Variants in TMCO4 observed in about 807,000 individuals in gnomAD.
TMCO4 encodes transmembrane and coiled-coil domain-containing protein 4.
A neutral mutation model predicts 64.7 loss-of-function variants in TMCO4; 58 were observed. That is an observed-to-expected ratio of 0.90 (90% CI 0.73 to 1.12). TMCO4 has a LOEUF of 1.12. TMCO4 is among the 50% of genes most tolerant of loss of function. The pLI, the probability that TMCO4 is intolerant of heterozygous loss-of-function variation, is 0.00. For missense variants in TMCO4, 780 were observed against 825.9 expected, an observed-to-expected ratio of 0.94 and a Z score of 0.68; for synonymous variants, 325 against 346.1, an observed-to-expected ratio of 0.94 and a Z score of 0.68.
rs1012566431 is a variant in TMCO4, at chr1:19,708,422, A to G, written c.1265-7537T>C. Among the ~76,000 whole-genome samples the G allele has an allele frequency of 3.3e-5, 5 of 151,910 alleles. 1 individual carries two copies. ...ATAAATAAAAAAAAAAAAACCCAAG[A>G]GCTGAGAATGGACAGCGTCATCACA... is the stretch of plus-strand genomic sequence containing the variant. On this transcript the variant is annotated intron_variant, in intron 13 of 15. Coordinates refer to ENST00000294543, the MANE Select transcript of TMCO4 (RefSeq NM_181719.7).
In TMCO4 at chr1:19,721,819, C is replaced by A. The variant is rs369778012; in HGVS notation, c.1264+15553G>T. 8.0e-5 allele frequency among the ~76,000 whole-genome samples: 12 copies of A among 149,326 alleles called. No individual in the cohort carries two copies. In the South Asian group the frequency reaches 8.3e-4, roughly 10 times the overall value. On this transcript the variant is annotated intron_variant, in intron 13 of 15. Transcript: ENST00000294543. ...AAACAAAACAAAACAAAACAAAACA[C>A]AACACACACACACACACGTTTTGGA...
chr1:19,793,247 T>C (rs1328840800), intron 2 of TMCO4, among the ~76,000 whole-genome samples: 1 of 151,974 alleles, frequency 6.6e-6, no homozygotes, highest in Non-Finnish European at 1.5e-5. Context: ...TGCAGTGCAA[T>C]AAAATAAGCA....
In TMCO4 at chr1:19,781,678, G is replaced by A. The variant is rs530144145; in HGVS notation, c.-8-912C>T. On this transcript the variant is annotated intron_variant, in intron 3 of 15. Coordinates refer to ENST00000294543, the MANE Select transcript of TMCO4 (RefSeq NM_181719.7). ...TTTTTTTCTTTTGAGATGGAGTCTC[G>A]CTCTGTCGCCCAGGCTGGAGTGCAG... Among the ~76,000 whole-genome samples the A allele has an allele frequency of 7.7e-3, 1,086 of 141,678 alleles. 7 individuals carry two copies. The highest frequency in any genetic ancestry group is 0.027 in the African/African-American group (1,010 of 37,982). 92.9% of individuals were successfully genotyped at this position (141,678 alleles called of 152,430 possible). A position where few individuals can be genotyped will look rare whatever the true frequency, so the allele number is the denominator to read the frequency against.
chr1:19,730,409 C>G (rs1415885688), intron 13 of TMCO4, among the ~76,000 whole-genome samples: 1 of 152,226 alleles, frequency 6.6e-6, no homozygotes, highest in Non-Finnish European at 1.5e-5. Flanking sequence ...TGCGGCATAA[C>G]CTAGGCTGTC....
chr1:19,723,729 C>T (rs1020569557), intron 13 of TMCO4, among the ~76,000 whole-genome samples: 14 of 152,142 alleles, frequency 9.2e-5, no homozygotes, highest in Non-Finnish European at 2.1e-4. Flanking sequence ...AATGTGATTT[C>T]TGGAGGCTCT....
chr1:19,706,085 G>A (rs1446755078), intron 13 of TMCO4, among the ~76,000 whole-genome samples: 1 of 152,016 alleles, frequency 6.6e-6, no homozygotes, highest in Non-Finnish European at 1.5e-5. Context: ...TTAAATTTTA[G>A]TAGAGATGAG....
At position 19,772,079 on chromosome 1, in the gene TMCO4, G is replaced by C. The variant is rs2043010298; in HGVS notation, c.180-597C>G. On this transcript the variant is annotated intron_variant, in intron 4 of 15. Transcript: ENST00000294543. ...ATGCCTTGGGCCTGGGCTGTGCCAGGGGCGACGAATAAAGGTGAAAAACCT... is the reference window on the plus strand; with the variant it reads ...ATGCCTTGGGCCTGGGCTGTGCCAGCGGCGACGAATAAAGGTGAAAAACCT... 2.0e-5 allele frequency among the ~76,000 whole-genome samples: 3 copies of C among 152,186 alleles called. No individual in the cohort carries two copies. The South Asian group carries it at 6.2e-4, about 31-fold the overall frequency.
At chr1:19,751,965 G>C (rs1264054007) in intron 7 of TMCO4, among the ~76,000 whole-genome samples, 2 of 151,508 alleles carry the variant, frequency 1.3e-5, no homozygotes, top group Non-Finnish European at 2.9e-5. Flanking sequence ...GGAGAATGGC[G>C]TGAACCCAGG....
chr1:19,782,498 A>G (rs1351886604), intron 3 of TMCO4, among the ~76,000 whole-genome samples: 1 of 152,150 alleles, frequency 6.6e-6, no homozygotes, highest in East Asian at 1.9e-4. Context: ...AAATTCCCTG[A>G]ACTGTATAGT....
Position 19,734,967 on chromosome 1 carries a change from C to T in TMCO4, c.1264+2405G>A, listed in dbSNP as rs1335217345. On this transcript the variant is annotated intron_variant, in intron 13 of 15. Coordinates refer to ENST00000294543, the MANE Select transcript of TMCO4 (RefSeq NM_181719.7). This position sits in a 1 kb window ranked among gnomAD's most constrained non-coding sequence, Gnocchi z 4.4. ...CGGTGGATCTGCACTAGCTCGTGGG[C>T]ACAGCAGCATGTGCCTGATTCCCTC... 6.6e-6 allele frequency among the ~76,000 whole-genome samples: 1 copy of T among 152,144 alleles called. No individual in the cohort carries two copies. Among genetic ancestry groups the T allele is most frequent in the Non-Finnish European group, 1.5e-5 (1 of 68,020 alleles).
At position 19,682,981 on chromosome 1, in the gene TMCO4, G is replaced by A; in HGVS notation, c.*59C>T. The A allele has an allele frequency of 1.3e-6, 2 of 1,517,970 alleles. No homozygotes were observed. Among genetic ancestry groups the A allele is most frequent in the African/African-American group, 2.8e-5 (2 of 71,812 alleles). The allele number at this position is 1,517,970 out of a possible 1,614,324, so 94.0% of individuals were successfully genotyped here. A position where few individuals can be genotyped will look rare whatever the true frequency, so the allele number is the denominator to read the frequency against. On this transcript the variant is annotated 3_prime_UTR_variant, in exon 16 of 16. Coordinates refer to ENST00000294543, the MANE Select transcript of TMCO4 (RefSeq NM_181719.7). ...CCAGAGCTCCTGGGAGGAACCCGAGGGTATAAGAGAGAGCTGCATATGGAG... is the reference window on the plus strand; with the variant it reads ...CCAGAGCTCCTGGGAGGAACCCGAGAGTATAAGAGAGAGCTGCATATGGAG...
intron 4 of TMCO4, among the ~76,000 whole-genome samples, chr1:19,774,235 G>T: frequency 6.6e-6 from 1 of 152,206 alleles, no homozygotes; most frequent in African/African-American, 2.4e-5. Flanking sequence ...CAGGGCCAAG[G>T]ACTACAGCAT....
Position 19,732,182 on chromosome 1 carries a change from AC to A in TMCO4, c.1264+5189del, listed in dbSNP as rs2095432866. Among the ~76,000 whole-genome samples the A allele has an allele frequency of 6.6e-6, 1 of 151,444 alleles. No homozygotes were observed. Among genetic ancestry groups the A allele is most frequent in the Non-Finnish European group, 1.5e-5 (1 of 67,872 alleles). ...TAAGCTATGGCTAACTAAGGGACAGACCCCTCTCAGTGTGGCTTTTGCTCTG... is the reference window on the plus strand; with the variant it reads ...TAAGCTATGGCTAACTAAGGGACAGACCCTCTCAGTGTGGCTTTTGCTCTG... On this transcript the variant is annotated intron_variant, in intron 13 of 15. Transcript: ENST00000294543. This position sits in a 1 kb window ranked among gnomAD's most constrained non-coding sequence, Gnocchi z 4.8.
intron 13 of TMCO4, among the ~76,000 whole-genome samples, chr1:19,703,497 C>T: frequency 6.6e-6 from 1 of 150,984 alleles, no homozygotes. Context: ...CTCCTTCTCT[C>T]CTTTCTTTCC....
chr1:19,731,142 A>C (rs2095428226), intron 13 of TMCO4, among the ~76,000 whole-genome samples: 1 of 152,098 alleles, frequency 6.6e-6, no homozygotes, highest in African/African-American at 2.4e-5. Flanking sequence ...AAGGGCAAGG[A>C]CTTGGGAGGG....
chr1:19,790,080 T>TC (rs895682759), intron 2 of TMCO4, among the ~76,000 whole-genome samples: 7 of 149,110 alleles, frequency 4.7e-5, no homozygotes, highest in African/African-American at 1.7e-4. Context: ...AAAAAGAGAT[T>TC]CCCTATTTAG....
chr1:19,749,752 G>A (rs2041946789), intron 7 of TMCO4, among the ~76,000 whole-genome samples: 1 of 152,172 alleles, frequency 6.6e-6, no homozygotes, highest in Non-Finnish European at 1.5e-5. Context: ...TCTAGATAGG[G>A]TCACTCTGTC....
intron 7 of TMCO4, among the ~76,000 whole-genome samples, chr1:19,751,620 C>T (rs77797663): frequency 6.6e-6 from 1 of 151,742 alleles, no homozygotes; most frequent in African/African-American, 2.4e-5. Flanking sequence ...ATCTCCCTCA[C>T]AAAAAGTTTG....
intron 7 of TMCO4, 46 bp from the exon 8 acceptor site, chr1:19,747,306 C>A: frequency 6.5e-7 from 1 of 1,536,396 alleles, no homozygotes; most frequent in South Asian, 1.1e-5. Flanking sequence ...TGCCCAGGAT[C>A]CCTTGAGACA....
Sources: gnomAD v4.1 joint callset for allele counts (sites outside exome capture counted in the v4.1 genomes callset) on GRCh38, gnomAD v4.1.1 for gene constraint, Gnocchi (gnomAD v3.1) non-coding constraint, MANE v1.5 for transcripts, NCBI Gene and HGNC (gene_info 2026-07-23, HGNC 2026-07-21) for gene names.